Variants in UNC13B observed in about 807,000 individuals in gnomAD.
UNC13B encodes the protein protein unc-13 homolog B.
A neutral mutation model predicts 211.0 loss-of-function variants in UNC13B; 144 were observed. The ratio of observed to expected loss-of-function variants is 0.68; its 90% CI spans 0.60 to 0.78. The LOEUF is 0.78. Among genes scored for constraint, UNC13B ranks in the 30% least tolerant of loss-of-function variants. The probability of loss-of-function intolerance (pLI) is 0.00; values close to 1 mark genes in which losing one functional copy is unlikely to be tolerated. For synonymous variants in UNC13B, 709 were observed against 725.8 expected (o/e 0.98, Z 0.37); for missense variants, 1,777 against 2,002.0 (o/e 0.89, Z 2.14).
chr9:35,203,873 C>T (rs1378018743), intron 1 of UNC13B, among the ~76,000 whole-genome samples: 1 of 152,204 alleles, frequency 6.6e-6, no homozygotes, highest in African/African-American at 2.4e-5. Flanking sequence ...CAGAAATCTG[C>T]CTAAGTAAAG....
At chr9:35,222,810 A>G (rs532076300) in intron 1 of UNC13B, among the ~76,000 whole-genome samples, 2 of 152,332 alleles carry the variant, frequency 1.3e-5, no homozygotes, top group African/African-American at 4.8e-5. Flanking sequence ...TATTCCTTCA[A>G]TATAACTGTA....
At chr9:35,203,489 A>T (rs900377766) in intron 1 of UNC13B, among the ~76,000 whole-genome samples, 1 of 152,072 alleles carries the variant, frequency 6.6e-6, no homozygotes, top group East Asian at 1.9e-4. Flanking sequence ...TTGGCCCCCC[A>T]CTCTCTTCTG....
intron 7 of UNC13B, among the ~76,000 whole-genome samples, chr9:35,275,550 A>T (rs915662854): frequency 1.3e-5 from 2 of 152,214 alleles, no homozygotes; most frequent in South Asian, 4.1e-4. Context: ...TACATTAGAG[A>T]GATCTTTTGA....
At position 35,306,124 on chromosome 9, in the gene UNC13B, A is replaced by C. The variant is rs1057062715; in HGVS notation, c.6720A>C (p.Pro2240=). 7.5e-6 allele frequency: 3 copies of C among 398,944 alleles called. No individual in the cohort carries two copies. The highest frequency in any genetic ancestry group is 1.3e-5 in the Non-Finnish European group (3 of 226,074). 24.7% of individuals were successfully genotyped at this position (398,944 alleles called of 1,614,324 possible). Residue 2240 remains proline, a synonymous_variant, in exon 9 of 40, where the codon CCA becomes CCC. Transcript: ENST00000635942. ...GEKQSISTVV[P]VTSQPCKKTN... is the part of the protein sequence containing the mutation. ...AACAAAGCATTTCAACTGTTGTTCCAGTGACCTCCCAGCCCTGTAAGAAGA... is the reference window on the plus strand; with the variant it reads ...AACAAAGCATTTCAACTGTTGTTCCCGTGACCTCCCAGCCCTGTAAGAAGA...
intron 7 of UNC13B, among the ~76,000 whole-genome samples, chr9:35,281,517 G>A (rs1296456333): frequency 1.3e-5 from 2 of 152,024 alleles, no homozygotes; most frequent in Non-Finnish European, 2.9e-5. Flanking sequence ...GAATGGGAAC[G>A]TAAGTACTTG....
At chr9:35,274,322 C>T (rs1828053339) in intron 7 of UNC13B, among the ~76,000 whole-genome samples, 1 of 152,144 alleles carries the variant, frequency 6.6e-6, no homozygotes, top group African/African-American at 2.4e-5. Flanking sequence ...TATCCTCTGC[C>T]TTAGCCTCCC....
chr9:35,189,914 G>A (rs185940919), intron 1 of UNC13B, among the ~76,000 whole-genome samples: 1 of 152,094 alleles, frequency 6.6e-6, no homozygotes, highest in East Asian at 1.9e-4. Flanking sequence ...CAGGTGATCC[G>A]CCCACCTCGG....
At chr9:35,222,471 T>C (rs1824614874) in intron 1 of UNC13B, among the ~76,000 whole-genome samples, 1 of 152,204 alleles carries the variant, frequency 6.6e-6, no homozygotes, top group South Asian at 2.1e-4. Flanking sequence ...TATTATTACA[T>C]GCACATGTGC....
At chr9:35,260,038 CAAAA>C (rs61273217) in intron 7 of UNC13B, among the ~76,000 whole-genome samples, 7 of 64,802 alleles carry the variant, frequency 1.1e-4, no homozygotes, top group African/African-American at 4.8e-4. Flanking sequence ...CTCATTTCTA[CAAAA>C]AAAAAAAAAA....
intron 11 of UNC13B, among the ~76,000 whole-genome samples, chr9:35,336,787 A>G (rs1332377908): frequency 6.6e-6 from 1 of 152,146 alleles, no homozygotes. Context: ...TAACATATGA[A>G]TTTTGGAGTG....
chr9:35,325,398 C>T (rs1830949735), intron 11 of UNC13B, among the ~76,000 whole-genome samples: 1 of 152,242 alleles, frequency 6.6e-6, no homozygotes, highest in African/African-American at 2.4e-5. Context: ...ACCCATGGCT[C>T]TTCCCTCTGC....
intron 8 of UNC13B, among the ~76,000 whole-genome samples, chr9:35,298,821 A>G (rs1314174000): frequency 2.0e-5 from 3 of 152,212 alleles, no homozygotes; most frequent in South Asian, 2.1e-4. Flanking sequence ...TATCTTCAGT[A>G]TTCATTGTTT....
chr9:35,176,190 TGAGG>T (rs761406745), intron 1 of UNC13B, among the ~76,000 whole-genome samples: 30 of 6,604 alleles, frequency 4.5e-3, no homozygotes, highest in Non-Finnish European at 0.014. Context: ...CAGCTGATAG[TGAGG>T]TGGTGGGGAT....
At chr9:35,216,714 G>A (rs1824269414) in intron 1 of UNC13B, among the ~76,000 whole-genome samples, 1 of 152,124 alleles carries the variant, frequency 6.6e-6, no homozygotes, top group Non-Finnish European at 1.5e-5. Flanking sequence ...CCACAGGAAG[G>A]CAGGAAAAAG....
At position 35,184,572 on chromosome 9, in the gene UNC13B, G is replaced by A. The variant is rs1041398531; in HGVS notation, c.22+22267G>A. ...AACATACAAAAACCAGTCAGGCGTG[G>A]CAGCGCACGCCTGCAATCCCAGGCA... On this transcript the variant is annotated intron_variant, in intron 1 of 39. Transcript: ENST00000635942. Among the ~76,000 whole-genome samples the A allele has an allele frequency of 3.3e-5, 5 of 152,250 alleles. 1 individual carries two copies. Among genetic ancestry groups the A allele is most frequent in the Admixed American group, 6.5e-5 (1 of 15,296 alleles).
intron 7 of UNC13B, among the ~76,000 whole-genome samples, chr9:35,284,714 G>A (rs751549607): frequency 1.3e-5 from 2 of 152,140 alleles, no homozygotes; most frequent in Non-Finnish European, 2.9e-5. Flanking sequence ...CGAATCAACT[G>A]TCTAGAAAAA....
At chr9:35,379,106 C>A (rs1834647903) in intron 17 of UNC13B, among the ~76,000 whole-genome samples, 2 of 152,136 alleles carry the variant, frequency 1.3e-5, no homozygotes, top group South Asian at 4.1e-4. Flanking sequence ...ATCAGCCAAG[C>A]AGGCTGGCTA....
chr9:35,351,324 G>C, intron 11 of UNC13B: 2 of 1,220,194 alleles, frequency 1.6e-6, no homozygotes, highest in East Asian at 6.5e-5. Flanking sequence ...GGATCCAGGG[G>C]CATGTGCGAG....
intron 11 of UNC13B, among the ~76,000 whole-genome samples, chr9:35,325,125 G>A (rs2131931492): frequency 6.6e-6 from 1 of 152,336 alleles, no homozygotes; most frequent in Non-Finnish European, 1.5e-5. Flanking sequence ...CTTATCCTCA[G>A]AGGGAGAGAA....
Sources: gnomAD v4.1 joint callset for allele counts (sites outside exome capture counted in the v4.1 genomes callset) on GRCh38, gnomAD v4.1.1 for gene constraint, MANE v1.5 for transcripts, NCBI Gene and HGNC (gene_info 2026-07-23, HGNC 2026-07-21) for gene names.